The following MCTP1 variants were observed in gnomAD, a reference collection of about 807,000 sequenced individuals.
MCTP1 encodes the protein multiple C2 and transmembrane domain-containing protein 1.
MCTP1 carries 69 observed loss-of-function variants against 120.6 expected under a neutral mutation model. The ratio of observed to expected loss-of-function variants is 0.57; its 90% CI spans 0.47 to 0.70. The LOEUF (loss-of-function observed/expected upper bound fraction) is 0.70. Among genes scored for constraint, MCTP1 ranks in the 30% least tolerant of loss-of-function variants. The probability of loss-of-function intolerance (pLI) is 0.00; values close to 1 mark genes in which losing one functional copy is unlikely to be tolerated. For missense variants in MCTP1, 1,203 were observed against 1,248.8 expected (o/e 0.96, Z 0.55); for synonymous variants, 529 against 493.1 (o/e 1.07, Z -0.96).
chr5:95,188,278 G>C (rs1749447818), intron 1 of MCTP1, among the ~76,000 whole-genome samples: 1 of 152,234 alleles, frequency 6.6e-6, no homozygotes, highest in South Asian at 2.1e-4. Flanking sequence ...ATGATGCTGA[G>C]AAGTTGGCTC....
intron 1 of MCTP1, among the ~76,000 whole-genome samples, chr5:95,193,961 A>T (rs1382174952): frequency 6.6e-6 from 1 of 152,188 alleles, no homozygotes; most frequent in African/African-American, 2.4e-5. Flanking sequence ...TTGTAACCTC[A>T]ACACTTTAGA....
rs917917220 is a variant in MCTP1, at chr5:94,779,262, G to C, written c.2557-99C>G. 66 of 951,262 alleles carry C rather than the reference G, an allele frequency of 6.9e-5. No individual in the cohort carries two copies. The Admixed American group carries it at 1.1e-3, about 16-fold the overall frequency. The allele number at this position is 951,262 out of a possible 1,614,324, so 58.9% of individuals were successfully genotyped here. On this transcript the variant is annotated intron_variant, in intron 18 of 22. Transcript: ENST00000515393. ...GGAAATGAAAACTTTATTAACATTTGAAACAGGCACACTGAGAAGGGATAT... is the reference window on the plus strand; with the variant it reads ...GGAAATGAAAACTTTATTAACATTTCAAACAGGCACACTGAGAAGGGATAT...
In MCTP1 at chr5:94,871,364, C is replaced by T. The variant is rs751453366; in HGVS notation, c.2090G>A (p.Arg697Gln). The T allele has an allele frequency of 3.1e-5, 50 of 1,612,446 alleles. No homozygotes were observed. The highest frequency in any genetic ancestry group is 1.7e-4 in the Admixed American group (10 of 59,858). The change falls in exon 14 of 23, where the codon CGG (arginine) becomes CAG (glutamine). Residue 697 changes from arginine to glutamine, a missense_variant. Around this residue, in one of 2 missense-constraint regions of MCTP1, gnomAD observed 740 missense variants for 871.1 expected, o/e 0.85. Transcript: ENST00000515393. ...VLEVTVYDED[R>Q]DRSADFLGKV... ...GCCCAGAAAGTCAGCACTTCGATCC[C>T]GATCTTCATCATAAACTGTCACTTC...
intron 3 of MCTP1, among the ~76,000 whole-genome samples, chr5:94,950,914 T>A (rs1820372012): frequency 7.0e-6 from 1 of 142,816 alleles, no homozygotes; most frequent in African/African-American, 2.6e-5. Flanking sequence ...GCCACTGCAC[T>A]CCAGCCTGGG....
chr5:94,964,633 G>A (rs1825159773), intron 2 of MCTP1, among the ~76,000 whole-genome samples: 2 of 152,044 alleles, frequency 1.3e-5, no homozygotes, highest in Admixed American at 1.3e-4. Context: ...TTTAAAGTTT[G>A]TCTTGTCTGA....
chr5:95,194,801 C>T (rs1280371251), intron 1 of MCTP1, among the ~76,000 whole-genome samples: 1 of 152,140 alleles, frequency 6.6e-6, no homozygotes, highest in Non-Finnish European at 1.5e-5. Flanking sequence ...GGATGACATA[C>T]AATGGAACCT....
intron 17 of MCTP1, among the ~76,000 whole-genome samples, chr5:94,814,779 C>CA (rs1175387705): frequency 6.6e-6 from 1 of 151,814 alleles, no homozygotes; most frequent in East Asian, 1.9e-4. Flanking sequence ...TAAAAGAAAA[C>CA]AAAAACAAAC....
At chr5:94,815,358 C>T (rs1467200589) in intron 17 of MCTP1, among the ~76,000 whole-genome samples, 2 of 152,146 alleles carry the variant, frequency 1.3e-5, no homozygotes, top group Admixed American at 1.3e-4. Context: ...CAGGTGGGCC[C>T]TGGCAGATTT....
In MCTP1 at chr5:94,971,582, C is replaced by T. The variant is rs1826891920; in HGVS notation, c.839-18221G>A. On this transcript the variant is annotated intron_variant, in intron 2 of 22. Coordinates refer to ENST00000515393, the MANE Select transcript of MCTP1 (RefSeq NM_024717.7). Reference sequence around the variant, plus strand: ...CTATAATCTGTTTATTCTATATATGCACTTCTTTTGCTTTATACCTTTCAA... The same window carrying T: ...CTATAATCTGTTTATTCTATATATGTACTTCTTTTGCTTTATACCTTTCAA... 2.0e-5 allele frequency among the ~76,000 whole-genome samples: 3 copies of T among 152,250 alleles called. No homozygotes were observed. The South Asian group carries it at 6.2e-4, about 32-fold the overall frequency.
intron 19 of MCTP1, among the ~76,000 whole-genome samples, chr5:94,729,421 T>A (rs1561537920): frequency 6.6e-6 from 1 of 152,178 alleles, no homozygotes; most frequent in Non-Finnish European, 1.5e-5. Flanking sequence ...GGAGACCCAG[T>A]CACCTAGTCA....
Position 94,769,038 on chromosome 5 carries a change from A to G in MCTP1, c.2610+10072T>C, listed in dbSNP as rs559763373. On this transcript the variant is annotated intron_variant, in intron 19 of 22. Transcript: ENST00000515393. ...AGCAAATGTGGTACATATGTACCCA[A>G]TGGAATGCTATTTGGCCATAAAAAG... Among the ~76,000 whole-genome samples, 6 of 152,306 alleles carry G rather than the reference A, an allele frequency of 3.9e-5. No homozygotes were observed. The East Asian group carries it at 5.8e-4, about 15-fold the overall frequency.
chr5:95,210,775 G>A (rs998007070), intron 1 of MCTP1, among the ~76,000 whole-genome samples: 3 of 152,044 alleles, frequency 2.0e-5, no homozygotes, highest in Non-Finnish European at 4.4e-5. Flanking sequence ...AGTCTCGATG[G>A]TCTCTACATT....
intron 1 of MCTP1, among the ~76,000 whole-genome samples, chr5:95,217,696 T>C (rs965458944): frequency 1.3e-5 from 2 of 152,268 alleles, no homozygotes; most frequent in East Asian, 3.9e-4. Flanking sequence ...AGATTTTATA[T>C]GGAAACCTAA....
At chr5:94,892,014 G>C (rs966715181) in intron 11 of MCTP1, among the ~76,000 whole-genome samples, 41 of 151,978 alleles carry the variant, frequency 2.7e-4, no homozygotes, top group Admixed American at 9.8e-4. Context: ...TTAATGAAAG[G>C]CTGTATAATA....
At chr5:95,079,307 T>A (rs1375619691) in intron 1 of MCTP1, among the ~76,000 whole-genome samples, 1 of 152,116 alleles carries the variant, frequency 6.6e-6, no homozygotes, top group Non-Finnish European at 1.5e-5. Flanking sequence ...CATCTAGCAT[T>A]ACAGTGTTTC....
At chr5:95,141,612 G>GGATCT (rs535766726) in intron 1 of MCTP1, among the ~76,000 whole-genome samples, 445 of 152,170 alleles carry the variant, frequency 2.9e-3, no homozygotes, top group Non-Finnish European at 5.0e-3. Context: ...TCATGTCCCT[G>GGATCT]GATCTGATCA....
At chr5:94,826,254 A>T (rs1787044273) in intron 17 of MCTP1, 1 of 444,274 alleles carries the variant, frequency 2.3e-6, no homozygotes, top group Non-Finnish European at 4.2e-6. Context: ...TCATTTACTA[A>T]CTTTAGATTT....
At chr5:95,024,918 A>G (rs1173934905) in intron 1 of MCTP1, among the ~76,000 whole-genome samples, 8 of 152,222 alleles carry the variant, frequency 5.3e-5, no homozygotes, top group Non-Finnish European at 1.2e-4. Flanking sequence ...GATATTGAAG[A>G]TGACACACAA....
At chr5:95,157,847 T>C (rs530693367) in intron 1 of MCTP1, among the ~76,000 whole-genome samples, 26 of 152,330 alleles carry the variant, frequency 1.7e-4, no homozygotes, top group African/African-American at 6.0e-4. Flanking sequence ...CTCCCTTTCC[T>C]TCATTTATTG....
Sources: gnomAD v4.1 joint callset for allele counts (sites outside exome capture counted in the v4.1 genomes callset) on GRCh38, gnomAD v4.1.1 for gene constraint, gnomAD v4.1.1 regional missense constraint, MANE v1.5 for transcripts, NCBI Gene and HGNC (gene_info 2026-07-23, HGNC 2026-07-21) for gene names.